Variants in FAM120B observed in about 807,000 individuals in gnomAD.
The protein encoded by FAM120B is family with sequence similarity 120 member B, also known as constitutive coactivator of peroxisome proliferator-activated receptor gamma.
A neutral mutation model predicts 96.3 loss-of-function variants in FAM120B; 83 were observed. That is an observed-to-expected ratio of 0.86 (90% confidence interval 0.72 to 1.03). The LOEUF is 1.03. Among genes scored for constraint, FAM120B ranks in the 50% least tolerant of loss-of-function variants. The probability of loss-of-function intolerance (pLI) is 0.00; values close to 1 mark genes in which losing one functional copy is unlikely to be tolerated. For synonymous variants in FAM120B, 407 were observed against 402.7 expected, an observed-to-expected ratio of 1.01 and a Z score of -0.13; for missense variants, 1,027 against 1,121.2, an observed-to-expected ratio of 0.92 and a Z score of 1.20.
At chr6:170,306,371 C>T, upstream of FAM120B, among the ~76,000 whole-genome samples, 1 of 152,206 alleles carries the variant, frequency 6.6e-6, no homozygotes, top group East Asian at 1.9e-4. Flanking sequence ...CGCGCTCGCA[C>T]AACTTCGGCC....
At chr6:170,391,638 T>C (rs1790484809) in intron 8 of FAM120B, among the ~76,000 whole-genome samples, 2 of 152,224 alleles carry the variant, frequency 1.3e-5, no homozygotes, top group South Asian at 4.1e-4. Flanking sequence ...AATGAAGAAC[T>C]CTTTCTCTGC....
intron 4 of FAM120B, among the ~76,000 whole-genome samples, chr6:170,343,661 G>A (rs1179736660): frequency 6.6e-6 from 1 of 152,054 alleles, no homozygotes; most frequent in Non-Finnish European, 1.5e-5. Flanking sequence ...CTCAGCAGCT[G>A]AATCACCTGG....
chr6:170,396,151 C>T (rs549047585), intron 9 of FAM120B, among the ~76,000 whole-genome samples: 59 of 152,264 alleles, frequency 3.9e-4, no homozygotes, highest in African/African-American at 1.4e-3. Context: ...TTGAAATTAC[C>T]TAATATTTAT....
chr6:170,324,093 A>G (rs568991447), intron 3 of FAM120B, among the ~76,000 whole-genome samples: 16 of 152,324 alleles, frequency 1.1e-4, no homozygotes, highest in African/African-American at 3.8e-4. Context: ...CAGGTGGTCC[A>G]TTTGCCTAAA....
chr6:170,406,772 T>A lies in FAM120B; in HGVS notation c.*2021T>A, dbSNP rs1447367803. On this transcript the variant is annotated 3_prime_UTR_variant, in exon 11 of 11. Coordinates refer to ENST00000476287, the MANE Select transcript of FAM120B (RefSeq NM_032448.3). Reference sequence around the variant, plus strand: ...TGCTTCTAGATCTATTTCTTTGCACTTGTATAACTTTGAAATAAATTCCTC... The same window carrying A: ...TGCTTCTAGATCTATTTCTTTGCACATGTATAACTTTGAAATAAATTCCTC... 1 of 152,220 alleles carries A rather than the reference T, an allele frequency of 6.6e-6. No individual in the cohort carries two copies. The highest frequency in any genetic ancestry group is 2.4e-5 in the African/African-American group (1 of 41,468). The allele number at this position is 152,220 out of a possible 1,614,324, so 9.4% of individuals were successfully genotyped here. A position where few individuals can be genotyped will look rare whatever the true frequency, so the allele number is the denominator to read the frequency against.
At chr6:170,380,392 G>T (rs1352394364) in intron 6 of FAM120B, among the ~76,000 whole-genome samples, 1 of 152,084 alleles carries the variant, frequency 6.6e-6, no homozygotes, top group African/African-American at 2.4e-5. Context: ...TGGGTCATAT[G>T]GTAGCTCTAT....
At chr6:170,346,094 G>A (rs112751936) in intron 4 of FAM120B, among the ~76,000 whole-genome samples, 8 of 152,250 alleles carry the variant, frequency 5.3e-5, no homozygotes, top group African/African-American at 1.9e-4. Context: ...GTGATCTTAC[G>A]GGACCACCAT....
In FAM120B at chr6:170,319,229, T is replaced by C. The variant is rs533241821; in HGVS notation, c.1734+105T>C. On this transcript the variant is annotated intron_variant, in intron 2 of 10. Coordinates refer to ENST00000476287, the MANE Select transcript of FAM120B (RefSeq NM_032448.3). Reference sequence around the variant, plus strand: ...CCTCAGTGTTTGGCCACTGAGAGGATGCACAACAGGAGTCTCTAAGTCTCG... The same window carrying C: ...CCTCAGTGTTTGGCCACTGAGAGGACGCACAACAGGAGTCTCTAAGTCTCG... 19 of 1,123,866 alleles carry C rather than the reference T, an allele frequency of 1.7e-5. No homozygotes were observed. In the South Asian group the frequency reaches 2.8e-4, roughly 17 times the overall value. 69.6% of individuals were successfully genotyped at this position (1,123,866 alleles called of 1,614,324 possible).
At chr6:170,294,734 T>C (rs1189477993), upstream of FAM120B, among the ~76,000 whole-genome samples, 1 of 152,114 alleles carries the variant, frequency 6.6e-6, no homozygotes, top group Admixed American at 6.6e-5. This position sits in a 1 kb window ranked among gnomAD's most constrained non-coding sequence, Gnocchi z 7.9. Context: ...CCTGGGCAGA[T>C]TGCAATAAAC....
intron 8 of FAM120B, among the ~76,000 whole-genome samples, chr6:170,394,696 G>C (rs1299302607): frequency 7.0e-6 from 1 of 143,050 alleles, no homozygotes; most frequent in Non-Finnish European, 1.5e-5. Flanking sequence ...TCAGCACAAG[G>C]CCATGCCTCC....
chr6:170,338,047 C>G (rs1786561252), intron 4 of FAM120B, among the ~76,000 whole-genome samples: 1 of 151,600 alleles, frequency 6.6e-6, no homozygotes, highest in Non-Finnish European at 1.5e-5. Flanking sequence ...CTGCTCTGAT[C>G]TTAGTTATTT....
At chr6:170,400,419 G>A (rs976303002) in intron 9 of FAM120B, among the ~76,000 whole-genome samples, 4 of 152,150 alleles carry the variant, frequency 2.6e-5, no homozygotes, top group Non-Finnish European at 4.4e-5. Context: ...AATGATAAGA[G>A]TCACAGGCTT....
chr6:170,351,210 A>G (rs1318657861), intron 5 of FAM120B, among the ~76,000 whole-genome samples: 2 of 152,246 alleles, frequency 1.3e-5, no homozygotes, highest in Non-Finnish European at 2.9e-5. Context: ...CTCGAAGACT[A>G]TCTTTCTGAA....
At chr6:170,355,138 A>C (rs1787821477) in intron 5 of FAM120B, among the ~76,000 whole-genome samples, 1 of 152,064 alleles carries the variant, frequency 6.6e-6, no homozygotes, top group African/African-American at 2.4e-5. Context: ...AAATTAGTTC[A>C]ACAATTGTGG....
At chr6:170,330,422 T>A (rs1785938136) in intron 3 of FAM120B, 27 bp from the exon 4 acceptor site, 2 of 1,583,852 alleles carry the variant, frequency 1.3e-6, no homozygotes, top group Non-Finnish European at 1.7e-6. Flanking sequence ...CCCTCATGCA[T>A]CTACTGACCC....
chr6:170,371,986 A>G (rs1789224973), intron 6 of FAM120B, among the ~76,000 whole-genome samples: 1 of 152,224 alleles, frequency 6.6e-6, no homozygotes, highest in Non-Finnish European at 1.5e-5. Context: ...AGGAAATTGA[A>G]AAACAGAAAA....
At chr6:170,319,345 A>T (rs903578215) in intron 2 of FAM120B, among the ~76,000 whole-genome samples, 3 of 152,234 alleles carry the variant, frequency 2.0e-5, no homozygotes, top group African/African-American at 7.2e-5. Flanking sequence ...TAAGAATACA[A>T]GAGAGAAAGA....
intron 4 of FAM120B, among the ~76,000 whole-genome samples, chr6:170,343,802 T>C (rs1043811905): frequency 6.6e-6 from 1 of 152,116 alleles, no homozygotes; most frequent in African/African-American, 2.4e-5. Flanking sequence ...TAATAAAAGA[T>C]GTGGGAGAGA....
chr6:170,366,647 A>T (rs1788820638), intron 6 of FAM120B, among the ~76,000 whole-genome samples: 1 of 152,120 alleles, frequency 6.6e-6, no homozygotes, highest in African/African-American at 2.4e-5. Context: ...TGTGGGGTGA[A>T]TGGGGGTTGA....
Sources: gnomAD v4.1 joint callset for allele counts (sites outside exome capture counted in the v4.1 genomes callset) on GRCh38, gnomAD v4.1.1 for gene constraint, Gnocchi (gnomAD v3.1) non-coding constraint, MANE v1.5 for transcripts, NCBI Gene and HGNC (gene_info 2026-07-23, HGNC 2026-07-21) for gene names.